QNG1: variants seen among roughly 807,000 people sequenced by gnomAD.
QNG1 encodes the protein queuosine 5'-phosphate N-glycosylase/hydrolase.
the QNG1 span, among the ~76,000 whole-genome samples, chr9:83,945,853 C>T: frequency 7.0e-3 from 1,064 of 152,124 alleles, 12 homozygotes; most frequent in African/African-American, 0.024. Context: ...CTGCCCGCTT[C>T]GGCCTCCCAA....
At chr9:83,941,912 A>C in the QNG1 span, among the ~76,000 whole-genome samples, 1 of 152,134 alleles carries the variant, frequency 6.6e-6, no homozygotes, top group Non-Finnish European at 1.5e-5. Flanking sequence ...GTCTCAAAAA[A>C]AAAAAAGAAG....
At chr9:83,956,207 C>T in the QNG1 span, 1 of 1,613,512 alleles carries the variant, frequency 6.2e-7, no homozygotes, top group Non-Finnish European at 8.5e-7. Context: ...GGGACCAGTA[C>T]CCACTGTATG....
the QNG1 span, chr9:83,944,779 C>T: frequency 6.3e-7 from 1 of 1,591,566 alleles, no homozygotes; most frequent in South Asian, 1.1e-5. Flanking sequence ...CAAAGAATGA[C>T]TTAAAGTTGC....
chr9:83,952,324 A>G, the QNG1 span, among the ~76,000 whole-genome samples: 1 of 152,210 alleles, frequency 6.6e-6, no homozygotes, highest in African/African-American at 2.4e-5. Flanking sequence ...GTTAGAAACA[A>G]GTACTCATGA....
At chr9:83,938,934 G>C in the QNG1 span, 1 of 153,278 alleles carries the variant, frequency 6.5e-6, no homozygotes, top group Admixed American at 6.5e-5. Context: ...TTTTTGTAGA[G>C]ATGGGGGTCT....
chr9:83,951,389 C>T, the QNG1 span, among the ~76,000 whole-genome samples: 9 of 152,122 alleles, frequency 5.9e-5, no homozygotes, highest in African/African-American at 1.9e-4. Context: ...GGTAAAACCC[C>T]ATCTCTACTA....
chr9:83,941,444 T>C, the QNG1 span, among the ~76,000 whole-genome samples: 2 of 152,142 alleles, frequency 1.3e-5, no homozygotes, highest in Non-Finnish European at 2.9e-5. Context: ...TAGCCAGGCA[T>C]GGTGGTATGC....
the QNG1 span, among the ~76,000 whole-genome samples, chr9:83,955,129 G>A: frequency 6.6e-6 from 1 of 152,036 alleles, no homozygotes; most frequent in Non-Finnish European, 1.5e-5. Flanking sequence ...AACCCGGGAG[G>A]CAGAGGTTGC....
chr9:83,956,529 C>T, the QNG1 span: 4 of 1,509,346 alleles, frequency 2.7e-6, no homozygotes, highest in South Asian at 2.7e-5. Context: ...GCGGGCCAAA[C>T]TCTTCCCGCC....
At chr9:83,955,427 A>G in the QNG1 span, 5 of 1,614,186 alleles carry the variant, frequency 3.1e-6, no homozygotes, top group South Asian at 1.1e-5. Context: ...TTCAACCACC[A>G]GGTGCATTAA....
the QNG1 span, among the ~76,000 whole-genome samples, chr9:83,951,940 A>T: frequency 6.6e-6 from 1 of 152,220 alleles, no homozygotes; most frequent in Admixed American, 6.5e-5. Context: ...AATCTCAGTA[A>T]ATAGGTATAC....
chr9:83,948,351 G>A, the QNG1 span, among the ~76,000 whole-genome samples: 2 of 122,842 alleles, frequency 1.6e-5, no homozygotes, highest in African/African-American at 5.2e-5. Context: ...GAGGGTCTCC[G>A]CCCGGCAGCC....
chr9:83,939,231 G>A, the QNG1 span: 11 of 302,264 alleles, frequency 3.6e-5, no homozygotes, highest in African/African-American at 2.2e-4. Flanking sequence ...GTGCCACCAC[G>A]CCCAGCTAAT....
At chr9:83,943,429 C>CA in the QNG1 span, among the ~76,000 whole-genome samples, 25 of 138,812 alleles carry the variant, frequency 1.8e-4, no homozygotes, top group East Asian at 1.1e-3. Flanking sequence ...GTGTACAAAA[C>CA]AAAAAAAAAG....
At chr9:83,949,192 G>C in the QNG1 span, among the ~76,000 whole-genome samples, 1 of 151,926 alleles carries the variant, frequency 6.6e-6, no homozygotes, top group African/African-American at 2.4e-5. Flanking sequence ...AAATTAAGGG[G>C]CTGAAGGAAC....
the QNG1 span, among the ~76,000 whole-genome samples, chr9:83,943,355 A>G: frequency 0.046 from 6,561 of 142,064 alleles, 363 homozygotes; most frequent in East Asian, 0.26. Flanking sequence ...AAAAAAAAAA[A>G]AAAGAAAGAA....
At chr9:83,943,008 C>G in the QNG1 span, among the ~76,000 whole-genome samples, 6 of 152,044 alleles carry the variant, frequency 3.9e-5, no homozygotes, top group East Asian at 1.2e-3. Context: ...TAAGTGAGGA[C>G]AGCATTTGAG....
the QNG1 span, among the ~76,000 whole-genome samples, chr9:83,950,407 G>C: frequency 3.2e-3 from 481 of 152,126 alleles, 2 homozygotes; most frequent in African/African-American, 0.011. Context: ...AATGATTTTT[G>C]TAATCAAATT....
the QNG1 span, among the ~76,000 whole-genome samples, chr9:83,943,828 T>C: frequency 6.6e-6 from 1 of 151,492 alleles, no homozygotes; most frequent in Non-Finnish European, 1.5e-5. Flanking sequence ...GAGACCATCC[T>C]GGCTAACACG....
Sources: gnomAD v4.1 joint callset for allele counts (sites outside exome capture counted in the v4.1 genomes callset) on GRCh38, gnomAD v4.1.1 for gene constraint, MANE v1.5 for transcripts, NCBI Gene and HGNC (gene_info 2026-07-23, HGNC 2026-07-21) for gene names.